CD200R1: variants seen among roughly 807,000 people sequenced by gnomAD.
CD200R1 encodes cell surface glycoprotein CD200 receptor 1.
In CD200R1, 30 loss-of-function variants were observed where a neutral mutation model predicts 38.1. That is an observed-to-expected ratio of 0.79 (90% CI 0.59 to 1.07). The LOEUF (loss-of-function observed/expected upper bound fraction) is 1.07, where lower values mean the gene tolerates loss of function less well. Among genes scored for constraint, CD200R1 ranks in the 50% least tolerant of loss-of-function variants. CD200R1 has a pLI of 0.00. For missense variants in CD200R1, 372 were observed against 415.4 expected (o/e 0.90, Z 0.91); for synonymous variants, 128 against 152.1 (o/e 0.84, Z 1.16).
chr3:112,949,016 TATA>T (rs2107325526), intron 1 of CD200R1, among the ~76,000 whole-genome samples: 1 of 152,354 alleles, frequency 6.6e-6, no homozygotes, highest in African/African-American at 2.4e-5. Context: ...CATGCTTTCC[TATA>T]ATAAGTAATT....
intron 1 of CD200R1, among the ~76,000 whole-genome samples, chr3:112,950,691 T>TA (rs1345576184): frequency 2.0e-5 from 3 of 151,706 alleles, no homozygotes; most frequent in Non-Finnish European, 2.9e-5. Context: ...TCAAAAACAT[T>TA]AAAAAAAACT....
chr3:112,923,621 CAG>C lies in CD200R1; in HGVS notation c.*54_*55del. 1.1e-6 allele frequency: 1 copy of C among 874,022 alleles called. No individual in the cohort carries two copies. Among genetic ancestry groups the C allele is most frequent in the East Asian group, 2.6e-5 (1 of 37,872 alleles). 54.1% of individuals were successfully genotyped at this position (874,022 alleles called of 1,614,324 possible). ...ATTCTAGAACTGTAAGAAAATCAGA[CAG>C]TAATTATAATGTATCTCGTTTGTTG... On this transcript the variant is annotated 3_prime_UTR_variant, in exon 8 of 8. Coordinates refer to ENST00000308611, the MANE Select transcript of CD200R1 (RefSeq NM_138806.4).
At chr3:112,942,455 T>A (rs1940749112) in intron 2 of CD200R1, among the ~76,000 whole-genome samples, 1 of 151,418 alleles carries the variant, frequency 6.6e-6, no homozygotes, top group African/African-American at 2.4e-5. Context: ...AAAGTAAAAA[T>A]AGAAATATAA....
chr3:112,934,991 A>G (rs1197519602), intron 2 of CD200R1, among the ~76,000 whole-genome samples: 2 of 152,206 alleles, frequency 1.3e-5, no homozygotes, highest in African/African-American at 4.8e-5. Flanking sequence ...CAAAGGCTAT[A>G]TAAAAAAGAA....
rs912773083 is a variant in CD200R1 at position 112,950,514 on chromosome 3, T to G, written c.68-2590A>C. Reference sequence around the variant, plus strand: ...AAAATACATATTTCTTATCTGCTGCTAAGTTGTGGGGTAATTCATTACATA... The same window carrying G: ...AAAATACATATTTCTTATCTGCTGCGAAGTTGTGGGGTAATTCATTACATA... On this transcript the variant is annotated intron_variant, in intron 1 of 7. Coordinates refer to ENST00000308611, the MANE Select transcript of CD200R1 (RefSeq NM_138806.4). Among the ~76,000 whole-genome samples the G allele has an allele frequency of 2.6e-5, 4 of 152,216 alleles. No homozygotes were observed. In the East Asian group the frequency reaches 7.7e-4, roughly 29 times the overall value.
At chr3:112,947,584 A>C (rs1940892256) in intron 2 of CD200R1, among the ~76,000 whole-genome samples, 1 of 152,234 alleles carries the variant, frequency 6.6e-6, no homozygotes, top group African/African-American at 2.4e-5. Flanking sequence ...TGCTTATTAA[A>C]AAGTGCTCTG....
At chr3:112,933,943 A>G (rs919339347) in intron 2 of CD200R1, among the ~76,000 whole-genome samples, 15 of 152,148 alleles carry the variant, frequency 9.9e-5, no homozygotes, top group African/African-American at 2.4e-4. Context: ...AAAAACAAAA[A>G]GAAAAAGAAT....
chr3:112,961,589 A>C (rs1203731428), intron 1 of CD200R1, among the ~76,000 whole-genome samples: 1 of 152,086 alleles, frequency 6.6e-6, no homozygotes, highest in Non-Finnish European at 1.5e-5. Flanking sequence ...TTCACCTTCA[A>C]TTAAGAAATC....
chr3:112,933,228 C>T (rs980699682), intron 2 of CD200R1, among the ~76,000 whole-genome samples: 1 of 152,194 alleles, frequency 6.6e-6, no homozygotes, highest in Admixed American at 6.5e-5. Context: ...GTGGGTCCAC[C>T]CCTAGCAGAC....
At chr3:112,964,796 G>A (rs1933115689) in intron 1 of CD200R1, among the ~76,000 whole-genome samples, 1 of 152,182 alleles carries the variant, frequency 6.6e-6, no homozygotes, top group Non-Finnish European at 1.5e-5. Flanking sequence ...GGAGGGTCCA[G>A]GGGCAGAATG....
chr3:112,969,319 GGAACTAA>G (rs561888199), intron 1 of CD200R1, among the ~76,000 whole-genome samples: 1 of 152,030 alleles, frequency 6.6e-6, no homozygotes, highest in East Asian at 1.9e-4. Context: ...GTATAAAAAG[GGAACTAA>G]GAACTAAGAG....
chr3:112,944,613 T>C (rs1403281784), intron 2 of CD200R1, among the ~76,000 whole-genome samples: 1 of 152,128 alleles, frequency 6.6e-6, no homozygotes, highest in East Asian at 1.9e-4. Context: ...CTTTTCTAAC[T>C]AATTCACCAC....
intron 5 of CD200R1, among the ~76,000 whole-genome samples, chr3:112,926,023 CAG>C (rs150923120): frequency 0.03 from 4,491 of 152,194 alleles, 202 homozygotes; most frequent in East Asian, 0.22. Context: ...TCTGTTATAG[CAG>C]AGTGTTTCTC....
At chr3:112,939,265 T>A (rs1940660382) in intron 2 of CD200R1, among the ~76,000 whole-genome samples, 2 of 151,938 alleles carry the variant, frequency 1.3e-5, no homozygotes, top group African/African-American at 4.8e-5. Flanking sequence ...GTACTGGAAG[T>A]CTGGCCCAGA....
intron 1 of CD200R1, among the ~76,000 whole-genome samples, chr3:112,949,819 A>G (rs1271860936): frequency 6.6e-5 from 10 of 152,236 alleles, no homozygotes; most frequent in African/African-American, 2.4e-4. Flanking sequence ...CACAGACACT[A>G]TGAATTCTAG....
At chr3:112,940,769 T>C (rs989560115) in intron 2 of CD200R1, among the ~76,000 whole-genome samples, 13 of 151,716 alleles carry the variant, frequency 8.6e-5, no homozygotes, top group African/African-American at 2.2e-4. Context: ...GAAATAGAAA[T>C]GTCATATGAT....
intron 7 of CD200R1, among the ~76,000 whole-genome samples, chr3:112,924,182 T>A (rs1454055497): frequency 1.3e-5 from 2 of 151,864 alleles, no homozygotes; most frequent in Non-Finnish European, 2.9e-5. Flanking sequence ...AAGTCAGGAA[T>A]TAGAGATGCT....
rs193005404 is a variant in CD200R1 at position 112,931,689 on chromosome 3, G to A, written c.137-518C>T. On this transcript the variant is annotated intron_variant, in intron 2 of 7. Coordinates refer to ENST00000308611, the MANE Select transcript of CD200R1 (RefSeq NM_138806.4). ...GTTTTCTACTTATTAGAGTACAAAG[G>A]GAAAAATATAGCAGAAGCAAATGTC... Among the ~76,000 whole-genome samples the A allele has an allele frequency of 7.9e-5, 12 of 152,198 alleles. 1 individual carries two copies. Among genetic ancestry groups the A allele is most frequent in the Admixed American group, 7.9e-4 (12 of 15,284 alleles).
intron 1 of CD200R1, among the ~76,000 whole-genome samples, chr3:112,952,820 G>T (rs909867863): frequency 2.6e-5 from 4 of 151,832 alleles, no homozygotes; most frequent in African/African-American, 9.7e-5. Flanking sequence ...ATAATTTTTC[G>T]TGGAGTCTTT....
Sources: gnomAD v4.1 joint callset for allele counts (sites outside exome capture counted in the v4.1 genomes callset) on GRCh38, gnomAD v4.1.1 for gene constraint, MANE v1.5 for transcripts, NCBI Gene and HGNC (gene_info 2026-07-23, HGNC 2026-07-21) for gene names.